GOLT1A: variants seen among roughly 807,000 people sequenced by gnomAD.
GOLT1A encodes vesicle transport protein GOT1A.
Under a neutral mutation model 16.1 loss-of-function variants are expected in GOLT1A, and 10 were observed. That is an observed-to-expected ratio of 0.62 (90% CI 0.38 to 1.05). The LOEUF is 1.05. GOLT1A is among the 50% of genes least tolerant of loss of function. The pLI is 0.01. For missense variants in GOLT1A, 137 were observed against 165.7 expected (o/e 0.83, Z 0.95); for synonymous variants, 60 against 67.9 (o/e 0.88, Z 0.57).
chr1:204,205,242 A>C (rs887399773), intron 1 of GOLT1A, among the ~76,000 whole-genome samples: 7 of 152,140 alleles, frequency 4.6e-5, no homozygotes, highest in Admixed American at 6.5e-5. Flanking sequence ...TATCAAATCC[A>C]GTGCTGTAAT....
At chr1:204,204,499 T>A (rs1659010972) in intron 1 of GOLT1A, among the ~76,000 whole-genome samples, 1 of 152,240 alleles carries the variant, frequency 6.6e-6, no homozygotes, top group African/African-American at 2.4e-5. Context: ...TAAAACAGAA[T>A]AATAGTCCAT....
intron 3 of GOLT1A, among the ~76,000 whole-genome samples, chr1:204,201,246 T>A (rs113512341): frequency 2.6e-5 from 4 of 152,322 alleles, no homozygotes; most frequent in African/African-American, 7.2e-5. Flanking sequence ...TCCTTATCTA[T>A]GAAGTAGAGG....
chr1:204,204,425 C>G lies in GOLT1A; in HGVS notation c.26-1438G>C, dbSNP rs915500946. 3.9e-5 allele frequency among the ~76,000 whole-genome samples: 6 copies of G among 152,250 alleles called. No homozygotes were observed. In the South Asian group the frequency reaches 1.2e-3, roughly 32 times the overall value. ...TTGTCTTTTTGTGACTGTCTTATTT[C>G]ACTTATCATAACGTTCTCAAGGTTC... On this transcript the variant is annotated intron_variant, in intron 1 of 4. Transcript: ENST00000308302.
At chr1:204,199,355 C>T (rs1206488864) in intron 3 of GOLT1A, 97 bp from the exon 4 acceptor site, 17 of 899,608 alleles carry the variant, frequency 1.9e-5, no homozygotes, top group Non-Finnish European at 3.1e-5. Context: ...CAAGCTCTGG[C>T]TTCCACACAC....
chr1:204,198,910 T>C, intron 4 of GOLT1A: 2 of 506,222 alleles, frequency 4.0e-6, no homozygotes, highest in South Asian at 2.8e-5. Flanking sequence ...AGTCTCTGCG[T>C]CTTCATTTCT....
At position 204,198,351 on chromosome 1, in the gene GOLT1A, G is replaced by A. The variant is rs1210274875; in HGVS notation, c.*107C>T. 9.8e-6 allele frequency: 10 copies of A among 1,022,496 alleles called. No homozygotes were observed. Among genetic ancestry groups the A allele is most frequent in the African/African-American group, 3.2e-5 (2 of 61,732 alleles). 63.3% of individuals were successfully genotyped at this position (1,022,496 alleles called of 1,614,324 possible). A position where few individuals can be genotyped will look rare whatever the true frequency, so the allele number is the denominator to read the frequency against. ...CTTCCTTCTGGACTTGGGGAGGTCC[G>A]GATATGTCGGGGAGTGAGTCAGTGC... On this transcript the variant is annotated 3_prime_UTR_variant, in exon 5 of 5. Coordinates refer to ENST00000308302, the MANE Select transcript of GOLT1A (RefSeq NM_198447.2).
chr1:204,200,299 G>GTGTGTGTGTATATATATATATATA, intron 3 of GOLT1A, among the ~76,000 whole-genome samples: 9 of 82,672 alleles, frequency 1.1e-4, no homozygotes, highest in African/African-American at 3.9e-4. Flanking sequence ...ACATATATGT[G>GTGTGTGTGTATATATATATATATA]TATATATATA....
At chr1:204,198,583 G>A (rs1571670572) in intron 4 of GOLT1A, 87 bp from the exon 5 acceptor site, 9 of 1,313,036 alleles carry the variant, frequency 6.9e-6, no homozygotes, top group Middle Eastern at 1.8e-4. Flanking sequence ...TTGAGAGCCA[G>A]GAGCTGTGCC....
chr1:204,207,189 A>T (rs1376521686), intron 1 of GOLT1A, among the ~76,000 whole-genome samples: 1 of 152,262 alleles, frequency 6.6e-6, no homozygotes, highest in African/African-American at 2.4e-5. Context: ...GATGTCATAC[A>T]GATGCCCCCA....
chr1:204,205,033 T>G (rs76077903), intron 1 of GOLT1A, among the ~76,000 whole-genome samples: 2,160 of 152,362 alleles, frequency 0.014, 55 homozygotes, highest in African/African-American at 0.043. Flanking sequence ...GTTGTTGAGT[T>G]GTAGGAGTTC....
chr1:204,212,044 GC>G (rs1309380109), intron 1 of GOLT1A, among the ~76,000 whole-genome samples: 2 of 152,000 alleles, frequency 1.3e-5, no homozygotes, highest in Non-Finnish European at 2.9e-5. Flanking sequence ...TCCAGCCCAG[GC>G]CTCTACCTGG....
At chr1:204,204,185 T>C (rs1469415970) in intron 1 of GOLT1A, among the ~76,000 whole-genome samples, 1 of 152,200 alleles carries the variant, frequency 6.6e-6, no homozygotes, top group African/African-American at 2.4e-5. Flanking sequence ...AACGTGCACA[T>C]AAAATGAGAC....
At chr1:204,209,306 G>A (rs1659103904) in intron 1 of GOLT1A, among the ~76,000 whole-genome samples, 1 of 152,160 alleles carries the variant, frequency 6.6e-6, no homozygotes, top group Non-Finnish European at 1.5e-5. Flanking sequence ...GGCAGTATCT[G>A]CCAGGCCCCT....
chr1:204,212,003 T>C (rs1659144878), intron 1 of GOLT1A, among the ~76,000 whole-genome samples: 1 of 152,088 alleles, frequency 6.6e-6, no homozygotes, highest in South Asian at 2.1e-4. Flanking sequence ...CTAAAAACCA[T>C]GTATATGCAG....
chr1:204,202,779 G>T, intron 2 of GOLT1A, 117 bp downstream of exon 2: 1 of 765,490 alleles, frequency 1.3e-6, no homozygotes, highest in Admixed American at 2.0e-5. Flanking sequence ...ATTTACTTAA[G>T]GGATTTATTT....
chr1:204,209,180 A>T (rs1659102234), intron 1 of GOLT1A, among the ~76,000 whole-genome samples: 2 of 152,206 alleles, frequency 1.3e-5, no homozygotes, highest in African/African-American at 4.8e-5. Flanking sequence ...GCTTCAGGTT[A>T]TGCATCTTAG....
chr1:204,213,519 A>G (rs546304652), intron 1 of GOLT1A, among the ~76,000 whole-genome samples: 75 of 152,376 alleles, frequency 4.9e-4, no homozygotes, highest in African/African-American at 1.6e-3. Flanking sequence ...CCCCAGGGCC[A>G]CAGGAGACCT....
intron 1 of GOLT1A, among the ~76,000 whole-genome samples, chr1:204,209,342 G>A (rs1659104342): frequency 6.6e-6 from 1 of 152,142 alleles, no homozygotes; most frequent in African/African-American, 2.4e-5. Flanking sequence ...GACCCTGCAG[G>A]GGATGCTTTG....
At chr1:204,198,797 C>G in intron 4 of GOLT1A, 1 of 491,432 alleles carries the variant, frequency 2.0e-6, no homozygotes, top group South Asian at 3.0e-5. Context: ...TGCAGGACAG[C>G]TTTTCCTGCT....
Sources: allele counts gnomAD v4.1 joint callset (sites outside exome capture counted in the v4.1 genomes callset), GRCh38; gene constraint gnomAD v4.1.1; transcripts MANE v1.5; gene names NCBI Gene and HGNC (gene_info 2026-07-23, HGNC 2026-07-21).